OR4N2: variants seen among roughly 807,000 people sequenced by gnomAD.
OR4N2 encodes olfactory receptor family 4 subfamily N member 2, also known as olfactory receptor 4N2.
For synonymous variants in OR4N2, 141 were observed against 140.4 expected (o/e 1.00, Z -0.03); for missense variants, 307 against 377.6 (o/e 0.81, Z 1.55).
At position 19,828,680 on chromosome 14, in the gene OR4N2, G is replaced by T; in HGVS notation, c.*308G>T. 3.7e-6 allele frequency: 1 copy of T among 268,674 alleles called. No homozygotes were observed. The highest frequency in any genetic ancestry group is 7.1e-6 in the Non-Finnish European group (1 of 140,368). The allele number at this position is 268,674 out of a possible 1,614,324, so 16.6% of individuals were successfully genotyped here. ...ACTCTGGATTGGGAGTAACCAATTT[G>T]TGTTTAATAATCAAAAAAGACCTTG... On this transcript the variant is annotated 3_prime_UTR_variant, in exon 2 of 2. Coordinates refer to ENST00000557677, the MANE Select transcript of OR4N2 (RefSeq NM_001004723.3).
intron 1 of OR4N2, among the ~76,000 whole-genome samples, chr14:19,821,757 T>C (rs1039666264): frequency 2.6e-5 from 4 of 152,268 alleles, no homozygotes; most frequent in African/African-American, 9.6e-5. Context: ...GCCTTATTTA[T>C]TTGATAACTA....
At chr14:19,816,829 G>C (rs1879439340) in intron 1 of OR4N2, among the ~76,000 whole-genome samples, 1 of 152,232 alleles carries the variant, frequency 6.6e-6, no homozygotes, top group Admixed American at 6.5e-5. Flanking sequence ...TTGGCTGTGG[G>C]TGTGTCATAA....
intron 1 of OR4N2, among the ~76,000 whole-genome samples, chr14:19,813,970 CTTT>C (rs1362435322): frequency 3.3e-5 from 5 of 149,694 alleles, no homozygotes; most frequent in Non-Finnish European, 7.4e-5. Context: ...CTCTTTTCTT[CTTT>C]CTTTCCTTTT....
chr14:19,816,811 G>T (rs1284891666), intron 1 of OR4N2, among the ~76,000 whole-genome samples: 1 of 152,256 alleles, frequency 6.6e-6, no homozygotes, highest in African/African-American at 2.4e-5. Context: ...TGCCCATTCG[G>T]TATGATATTG....
At chr14:19,804,989 A>G (rs562856502) in intron 1 of OR4N2, among the ~76,000 whole-genome samples, 163 of 152,244 alleles carry the variant, frequency 1.1e-3, no homozygotes, top group Non-Finnish European at 1.3e-3. Context: ...TTTATAGTCT[A>G]TTTTGTCTGG....
At chr14:19,804,502 G>A (rs1286082135) in intron 1 of OR4N2, among the ~76,000 whole-genome samples, 13 of 152,046 alleles carry the variant, frequency 8.6e-5, no homozygotes, top group Middle Eastern at 6.9e-3. Context: ...TTTCACATAT[G>A]CTTTTGATGT....
intron 1 of OR4N2, among the ~76,000 whole-genome samples, chr14:19,815,655 G>GTTTTTTTTTTTTTTTTT (rs59019427): frequency 4.3e-5 from 6 of 138,518 alleles, no homozygotes; most frequent in African/African-American, 8.2e-5. Context: ...GTTTTTTTTT[G>GTTTTTTTTTTTTTTTTT]TTTTTTTTTT....
At chr14:19,817,278 C>T (rs1011221945) in intron 1 of OR4N2, among the ~76,000 whole-genome samples, 1 of 152,208 alleles carries the variant, frequency 6.6e-6, no homozygotes, top group South Asian at 2.1e-4. Context: ...ACCAGCTCCT[C>T]TTTGTACCTC....
chr14:19,816,240 T>G (rs1879424947), intron 1 of OR4N2, among the ~76,000 whole-genome samples: 1 of 152,364 alleles, frequency 6.6e-6, no homozygotes, highest in African/African-American at 2.4e-5. Flanking sequence ...GTGAAGAAAG[T>G]CAGTGGTAGC....
intron 1 of OR4N2, among the ~76,000 whole-genome samples, chr14:19,814,722 G>A (rs1371118773): frequency 1.6e-4 from 25 of 152,228 alleles, no homozygotes; most frequent in Non-Finnish European, 1.5e-5. Context: ...TGTAGAATAT[G>A]CAGGTTTGTT....
chr14:19,816,060 A>T (rs1221407541), intron 1 of OR4N2, among the ~76,000 whole-genome samples: 1 of 152,138 alleles, frequency 6.6e-6, no homozygotes, highest in South Asian at 2.1e-4. Context: ...TGGTCTATAG[A>T]TCTGTTTTGG....
chr14:19,808,199 C>T (rs1879211936), intron 1 of OR4N2, among the ~76,000 whole-genome samples: 1 of 152,192 alleles, frequency 6.6e-6, no homozygotes, highest in Non-Finnish European at 1.5e-5. Context: ...ATTCTTACCA[C>T]TCTTCTTCAA....
chr14:19,821,816 T>A (rs1566467099), intron 1 of OR4N2: 1 of 152,256 alleles, frequency 6.6e-6, no homozygotes, highest in South Asian at 2.1e-4. Context: ...TGGGTCATGG[T>A]AGTCTCAAAT....
intron 1 of OR4N2, among the ~76,000 whole-genome samples, chr14:19,807,735 T>C (rs1879200110): frequency 1.3e-5 from 2 of 152,184 alleles, no homozygotes; most frequent in Admixed American, 1.3e-4. Context: ...ACTCATTCTA[T>C]GAAGCCAGTA....
chr14:19,825,904 T>C (rs1252500517), intron 1 of OR4N2, among the ~76,000 whole-genome samples: 6 of 152,234 alleles, frequency 3.9e-5, no homozygotes, highest in Non-Finnish European at 7.3e-5. Context: ...TTAAATCATA[T>C]TAAGAATATC....
intron 1 of OR4N2, among the ~76,000 whole-genome samples, chr14:19,821,533 A>G (rs1268875601): frequency 2.0e-5 from 3 of 152,128 alleles, no homozygotes; most frequent in African/African-American, 7.2e-5. Context: ...CTCATCATTT[A>G]TTTAATATTT....
rs368475148 is a variant in OR4N2, at chr14:19,823,728, G to C, written c.-9-3712G>C. On this transcript the variant is annotated intron_variant, in intron 1 of 1. Coordinates refer to ENST00000557677, the MANE Select transcript of OR4N2 (RefSeq NM_001004723.3). ...ATATTTAAAGAGAACAAAATAAATA[G>C]AGCCAGAAAGAAACAGAGAAGGGGA... 3.3e-5 allele frequency among the ~76,000 whole-genome samples: 5 copies of C among 150,730 alleles called. No homozygotes were observed. The East Asian group carries it at 9.7e-4, about 29-fold the overall frequency.
intron 1 of OR4N2, among the ~76,000 whole-genome samples, chr14:19,821,104 T>C (rs544687321): frequency 1.8e-4 from 27 of 152,390 alleles, no homozygotes; most frequent in African/African-American, 5.5e-4. Flanking sequence ...GCAAAAACCA[T>C]GGGAAAAGCC....
At chr14:19,813,198 G>C (rs1228383507) in intron 1 of OR4N2, among the ~76,000 whole-genome samples, 1 of 152,234 alleles carries the variant, frequency 6.6e-6, no homozygotes, top group Non-Finnish European at 1.5e-5. Context: ...CCAAGATGGG[G>C]TTGTTATTCC....
Sources: allele counts gnomAD v4.1 joint callset (sites outside exome capture counted in the v4.1 genomes callset), GRCh38; gene constraint gnomAD v4.1.1; transcripts MANE v1.5; gene names NCBI Gene and HGNC (gene_info 2026-07-23, HGNC 2026-07-21).